Variants in ZNF521 observed in about 807,000 individuals in gnomAD.
ZNF521 encodes the protein zinc finger protein 521.
ZNF521 carries 14 observed loss-of-function variants against 105.5 expected under a neutral mutation model. The ratio of observed to expected loss-of-function variants is 0.13; its 90% CI spans 0.09 to 0.21. ZNF521 has a LOEUF of 0.21. Ranked by LOEUF, ZNF521 falls within the 10% of genes least tolerant of loss-of-function variation. The probability of loss-of-function intolerance (pLI) is 1.00; values close to 1 mark genes in which losing one functional copy is unlikely to be tolerated. For synonymous variants in ZNF521, 635 were observed against 606.0 expected, an observed-to-expected ratio of 1.05 and a Z score of -0.70; for missense variants, 1,233 against 1,629.7, an observed-to-expected ratio of 0.76 and a Z score of 4.19.
intron 5 of ZNF521, among the ~76,000 whole-genome samples, chr18:25,158,431 T>C (rs1228788891): frequency 2.6e-5 from 4 of 152,130 alleles, no homozygotes; most frequent in Non-Finnish European, 4.4e-5. Flanking sequence ...ATTCTGCATT[T>C]TCCCAATTGG....
intron 2 of ZNF521, among the ~76,000 whole-genome samples, chr18:25,342,292 A>G (rs1029861085): frequency 6.6e-6 from 1 of 152,190 alleles, no homozygotes; most frequent in Non-Finnish European, 1.5e-5. Flanking sequence ...CCCTATGTAT[A>G]GGAACTTCAG....
intron 3 of ZNF521, among the ~76,000 whole-genome samples, chr18:25,240,413 G>A (rs1339358454): frequency 3.3e-5 from 5 of 152,056 alleles, no homozygotes; most frequent in African/African-American, 1.2e-4. Context: ...AGAAACTAAA[G>A]GAGAGTAAGG....
At chr18:25,211,400 G>A (rs1273882508) in intron 4 of ZNF521, among the ~76,000 whole-genome samples, 1 of 152,126 alleles carries the variant, frequency 6.6e-6, no homozygotes, top group Non-Finnish European at 1.5e-5. Context: ...TTAAACACCT[G>A]TATACCTGGA....
intron 5 of ZNF521, among the ~76,000 whole-genome samples, chr18:25,116,973 G>GTA (rs35891668): frequency 1.3e-4 from 17 of 130,884 alleles, no homozygotes; most frequent in East Asian, 4.5e-4. Context: ...GTATATATAT[G>GTA]TATATATATA....
intron 5 of ZNF521, among the ~76,000 whole-genome samples, chr18:25,145,890 A>C (rs1276833592): frequency 6.6e-6 from 1 of 152,160 alleles, no homozygotes; most frequent in African/African-American, 2.4e-5. Flanking sequence ...TATAGTTCCT[A>C]GTGCTTAGAA....
intron 5 of ZNF521, among the ~76,000 whole-genome samples, chr18:25,165,922 C>T (rs989632127): frequency 6.6e-6 from 1 of 152,138 alleles, no homozygotes; most frequent in Admixed American, 6.5e-5. Flanking sequence ...ACCATTTCAT[C>T]GTTTTCTGCC....
intron 3 of ZNF521, among the ~76,000 whole-genome samples, chr18:25,321,345 A>T (rs959789349): frequency 6.6e-6 from 1 of 152,230 alleles, no homozygotes; most frequent in Non-Finnish European, 1.5e-5. Flanking sequence ...CAAACATGCT[A>T]TGCAACATGT....
At chr18:25,078,210 C>A (rs2033410952) in intron 7 of ZNF521, among the ~76,000 whole-genome samples, 1 of 152,198 alleles carries the variant, frequency 6.6e-6, no homozygotes, top group South Asian at 2.1e-4. Flanking sequence ...CCTCCTGTTG[C>A]CTGCCTCGGA....
chr18:25,252,806 A>G (rs979425462), intron 3 of ZNF521, among the ~76,000 whole-genome samples: 1 of 152,182 alleles, frequency 6.6e-6, no homozygotes, highest in Non-Finnish European at 1.5e-5. Flanking sequence ...ATAATGTGCT[A>G]GAAATGCTTT....
At position 25,291,688 on chromosome 18, in the gene ZNF521, C is replaced by A. The variant is rs567632342; in HGVS notation, c.220+30320G>T. On this transcript the variant is annotated intron_variant, in intron 3 of 7. Coordinates refer to ENST00000361524, the MANE Select transcript of ZNF521 (RefSeq NM_015461.3). ...CACAGATCCTGCAGACAATTCTACTCTCTGTAGACGTCTGCCACCCTTCTC... is the reference window on the plus strand; with the variant it reads ...CACAGATCCTGCAGACAATTCTACTATCTGTAGACGTCTGCCACCCTTCTC... 6.6e-5 allele frequency among the ~76,000 whole-genome samples: 10 copies of A among 152,252 alleles called. No individual in the cohort carries two copies. The South Asian group carries it at 2.1e-3, about 32-fold the overall frequency.
rs8092915 is a variant in ZNF521 at position 25,207,300 on chromosome 18, T to C, written c.3574-12056A>G. Reference sequence around the variant, plus strand: ...AGGACCCCAGACTGCCATGAAAACATCCACATGTACATGGTGTGGCGGCTC... The same window carrying C: ...AGGACCCCAGACTGCCATGAAAACACCCACATGTACATGGTGTGGCGGCTC... On this transcript the variant is annotated intron_variant, in intron 4 of 7. Transcript: ENST00000361524. Among the ~76,000 whole-genome samples the C allele has an allele frequency of 1.6e-4, 24 of 151,900 alleles. No individual in the cohort carries two copies. In the East Asian group the frequency reaches 4.3e-3, roughly 27 times the overall value.
intron 2 of ZNF521, among the ~76,000 whole-genome samples, chr18:25,350,018 C>A (rs1437083685): frequency 6.6e-6 from 1 of 151,718 alleles, no homozygotes; most frequent in African/African-American, 2.4e-5. Flanking sequence ...AGGAGGCTCG[C>A]GAAGGTGGAG....
chr18:25,122,094 A>G (rs2034454524), intron 5 of ZNF521, among the ~76,000 whole-genome samples: 1 of 152,228 alleles, frequency 6.6e-6, no homozygotes, highest in Non-Finnish European at 1.5e-5. Context: ...GAAACACTGA[A>G]GGTGTTCAAT....
chr18:25,309,651 GA>G (rs1912185857), intron 3 of ZNF521, among the ~76,000 whole-genome samples: 2 of 152,166 alleles, frequency 1.3e-5, no homozygotes, highest in Admixed American at 1.3e-4. Context: ...ATTTTGCATA[GA>G]AAATAAAATT....
chr18:25,200,399 CT>C (rs67164276), intron 4 of ZNF521, among the ~76,000 whole-genome samples: 19,958 of 143,866 alleles, frequency 0.14, 2,488 homozygotes, highest in African/African-American at 0.34. Context: ...CTGCAGTTTT[CT>C]TTTTTTTTTT....
intron 3 of ZNF521, among the ~76,000 whole-genome samples, chr18:25,228,971 C>T (rs1490221877): frequency 6.6e-6 from 1 of 152,068 alleles, no homozygotes; most frequent in Non-Finnish European, 1.5e-5. Context: ...AAGTAAAGAC[C>T]ATGGAGTGGA....
At position 25,227,458 on chromosome 18, in the gene ZNF521, G is replaced by C. The variant is rs759340111; in HGVS notation, c.460C>G (p.Leu154Val). ...LPFKCTYCSR[L>V]FKHKRSRDRH... The stretch of plus-strand genomic sequence containing the variant: ...TCTCGGCTGCGCTTGTGTTTGAACA[G>C]CCTACTGCAGTAGGTGCATTTGAAA... The change falls in exon 4 of 8, where the codon CTG becomes GTG. Residue 154 changes from leucine (L) to valine (V), a missense_variant. By Grantham distance (32) the Leu-to-Val change is conservative. Coordinates refer to ENST00000361524, the MANE Select transcript of ZNF521 (RefSeq NM_015461.3). This position sits in a 1 kb window ranked among gnomAD's most constrained non-coding sequence, Gnocchi z 5.7. 2.5e-6 allele frequency: 4 copies of C among 1,613,676 alleles called. No individual in the cohort carries two copies. The highest frequency in any genetic ancestry group is 2.5e-6 in the Non-Finnish European group (3 of 1,179,900).
intron 2 of ZNF521, among the ~76,000 whole-genome samples, chr18:25,325,751 T>A (rs1029088907): frequency 6.6e-6 from 1 of 152,146 alleles, no homozygotes; most frequent in African/African-American, 2.4e-5. Context: ...CCGTTCTGAT[T>A]GGATAAAATG....
At chr18:25,259,922 A>T (rs1908793964) in intron 3 of ZNF521, among the ~76,000 whole-genome samples, 1 of 152,210 alleles carries the variant, frequency 6.6e-6, no homozygotes, top group African/African-American at 2.4e-5. Flanking sequence ...AGGCCAAGGA[A>T]GAAAAAGTGC....
Sources: allele counts gnomAD v4.1 joint callset (sites outside exome capture counted in the v4.1 genomes callset), GRCh38; gene constraint gnomAD v4.1.1; non-coding constraint Gnocchi (gnomAD v3.1); transcripts MANE v1.5; gene names NCBI Gene and HGNC (gene_info 2026-07-23, HGNC 2026-07-21).